MTM1: variants seen among roughly 807,000 people sequenced by gnomAD.
MTM1 encodes the protein myotubularin 1, also known as myotubularin.
In MTM1, 9 loss-of-function variants were observed where a neutral mutation model predicts 52.1. That is an observed-to-expected ratio of 0.17 (90% CI 0.10 to 0.30). The LOEUF (loss-of-function observed/expected upper bound fraction) is 0.30, where lower values mean the gene tolerates loss of function less well. MTM1 is among the 10% of genes least tolerant of loss of function. The pLI, the probability that MTM1 is intolerant of heterozygous loss-of-function variation, is 1.00. For missense variants in MTM1, 277 were observed against 470.7 expected, an observed-to-expected ratio of 0.59 and a Z score of 3.81; for synonymous variants, 136 against 163.8, an observed-to-expected ratio of 0.83 and a Z score of 1.29.
chrX:150,634,484 A>G (rs962124940), intron 6 of MTM1, among the ~76,000 whole-genome samples: 1 of 112,264 alleles, frequency 8.9e-6, no homozygotes, highest in Non-Finnish European at 1.9e-5. Flanking sequence ...TATATTCCCT[A>G]TGTCAGAGCT....
In MTM1 at chrX:150,661,086, A is replaced by G. The variant is rs782221980; in HGVS notation, c.1467+602A>G. Among the ~76,000 whole-genome samples, 6 of 111,131 alleles carry G rather than the reference A, an allele frequency of 5.4e-5. No individual in the cohort carries two copies. In the East Asian group the frequency reaches 1.1e-3, roughly 21 times the overall value. On this transcript the variant is annotated intron_variant, in intron 13 of 14. Transcript: ENST00000370396. ...GCCCAGGCTGGAGTACAGTGGCACA[A>G]TCTTGGCTCACTGCAACCTCTGCCT... is the stretch of plus-strand genomic sequence containing the variant.
chrX:150,659,880 A>G, intron 12 of MTM1, 124 bp downstream of exon 12: 1 of 565,592 alleles, frequency 1.8e-6, no homozygotes, highest in East Asian at 3.6e-5. Flanking sequence ...AAGACTGGGC[A>G]TGTGTGAATA....
upstream of MTM1, among the ~76,000 whole-genome samples, chrX:150,564,404 A>G (rs1557411150): frequency 9.0e-6 from 1 of 111,128 alleles, no homozygotes; most frequent in Non-Finnish European, 1.9e-5. Flanking sequence ...TATTATTTTG[A>G]GAGGAGTCTC....
At position 150,612,034 on chromosome X, in the gene MTM1, A is replaced by G. The variant is rs143142378; in HGVS notation, c.232-2555A>G. Among the ~76,000 whole-genome samples the G allele has an allele frequency of 7.2e-5, 8 of 110,493 alleles. No individual in the cohort carries two copies. The East Asian group carries it at 2.3e-3, about 32-fold the overall frequency. On this transcript the variant is annotated intron_variant, in intron 4 of 14. Coordinates refer to ENST00000370396, the MANE Select transcript of MTM1 (RefSeq NM_000252.3). Reference sequence around the variant, plus strand: ...CACATGGTGAAACCCCATCTCTACAAAAGTACAAAAATTAGCCAGGTGCGA... The same window carrying G: ...CACATGGTGAAACCCCATCTCTACAGAAGTACAAAAATTAGCCAGGTGCGA...
intron 14 of MTM1, among the ~76,000 whole-genome samples, chrX:150,669,297 G>A (rs2040357797): frequency 8.9e-6 from 1 of 112,047 alleles, no homozygotes; most frequent in Non-Finnish European, 1.9e-5. Flanking sequence ...CATTTGGGTT[G>A]GTTCTATGTC....
chrX:150,576,713 CG>C (rs1361901526), intron 1 of MTM1, among the ~76,000 whole-genome samples: 1 of 111,566 alleles, frequency 9.0e-6, no homozygotes, highest in Non-Finnish European at 1.9e-5. Context: ...TGAGCAAGCA[CG>C]TACATGTATT....
intron 1 of MTM1, among the ~76,000 whole-genome samples, chrX:150,581,434 C>T (rs2148406151): frequency 9.0e-6 from 1 of 111,354 alleles, no homozygotes; most frequent in Non-Finnish European, 1.9e-5. Flanking sequence ...AAAACTTTCT[C>T]CTTTTAAAAG....
At chrX:150,623,899 G>A (rs781970639) in intron 6 of MTM1, among the ~76,000 whole-genome samples, 2 of 111,820 alleles carry the variant, frequency 1.8e-5, no homozygotes, top group Non-Finnish European at 3.8e-5. Flanking sequence ...GATTATCTTA[G>A]TGATTTTTAT....
chrX:150,662,518 TTCACCATGTTGG>T (rs2040238346), intron 13 of MTM1, among the ~76,000 whole-genome samples: 1 of 110,565 alleles, frequency 9.0e-6, no homozygotes, highest in African/African-American at 3.3e-5. Context: ...GAGACGGGGC[TTCACCATGTTGG>T]CCAGGCTGGT....
intron 1 of MTM1, among the ~76,000 whole-genome samples, chrX:150,580,918 A>G (rs1557411860): frequency 8.9e-6 from 1 of 111,942 alleles, no homozygotes; most frequent in African/African-American, 3.2e-5. Flanking sequence ...ATCAAGCCCA[A>G]CATTCTCAAC....
At chrX:150,565,154 G>A (rs1320608019), upstream of MTM1, among the ~76,000 whole-genome samples, 2 of 112,093 alleles carry the variant, frequency 1.8e-5, no homozygotes, top group Non-Finnish European at 1.9e-5. Context: ...AGTGATCACC[G>A]TGGCAACTTG....
chrX:150,565,662 C>A (rs1000258369), upstream of MTM1, among the ~76,000 whole-genome samples: 3 of 111,471 alleles, frequency 2.7e-5, no homozygotes, highest in African/African-American at 9.8e-5. Context: ...TGAAGCCAAC[C>A]AAATCCAGAG....
At chrX:150,569,141 G>A (rs1557411349) in intron 1 of MTM1, among the ~76,000 whole-genome samples, 1 of 113,621 alleles carries the variant, frequency 8.8e-6, no homozygotes, top group African/African-American at 3.2e-5. Flanking sequence ...CCGCAGCCCG[G>A]CACTGGCCGC....
chrX:150,657,719 G>T lies in MTM1; in HGVS notation c.1054-102G>T. On this transcript the variant is annotated intron_variant, in intron 10 of 14. Transcript: ENST00000370396. ...TTCCTTTTGATAAATCTTTGTTCTG[G>T]ACGTTAATATTTTAAAGCATGGCTT... 6 of 765,744 alleles carry T rather than the reference G, an allele frequency of 7.8e-6. No homozygotes were observed. In the South Asian group the frequency reaches 1.1e-4, roughly 14 times the overall value. The allele number at this position is 765,744 out of a possible 1,213,427, so 63.1% of individuals were successfully genotyped here.
chrX:150,649,954 T>C, intron 10 of MTM1, 53 bp downstream of exon 10: 2 of 1,063,521 alleles, frequency 1.9e-6, no homozygotes, highest in African/African-American at 3.7e-5. Flanking sequence ...TGTAATTGTT[T>C]AGTGGAATGG....
intron 4 of MTM1, among the ~76,000 whole-genome samples, chrX:150,610,168 A>G (rs2039249043): frequency 8.9e-6 from 1 of 111,931 alleles, no homozygotes; most frequent in South Asian, 3.8e-4. Flanking sequence ...CCTTCATGCT[A>G]TCTAATCATC....
chrX:150,581,487 C>T (rs2038583001), intron 1 of MTM1, among the ~76,000 whole-genome samples: 2 of 111,593 alleles, frequency 1.8e-5, no homozygotes, highest in Admixed American at 9.5e-5. Context: ...AAATAGTAGA[C>T]AATCAAGGGT....
intron 4 of MTM1, among the ~76,000 whole-genome samples, chrX:150,612,770 G>T (rs1040537356): frequency 9.0e-6 from 1 of 111,538 alleles, no homozygotes; most frequent in Admixed American, 9.5e-5. Context: ...TATTACCTGA[G>T]GTCAGGGGTT....
intron 6 of MTM1, among the ~76,000 whole-genome samples, chrX:150,622,625 G>A (rs1397051005): frequency 1.8e-5 from 2 of 112,061 alleles, no homozygotes; most frequent in Non-Finnish European, 3.8e-5. Flanking sequence ...CTCACAGGAA[G>A]AAGAGACCAC....
Sources: gnomAD v4.1 joint callset for allele counts (sites outside exome capture counted in the v4.1 genomes callset) on GRCh38, gnomAD v4.1.1 for gene constraint, MANE v1.5 for transcripts, NCBI Gene and HGNC (gene_info 2026-07-23, HGNC 2026-07-21) for gene names.